The following NREP variants were observed in gnomAD, a reference collection of about 807,000 sequenced individuals.
NREP encodes the protein neuronal regeneration-related protein.
NREP carries 5 observed loss-of-function variants against 8.6 expected under a neutral mutation model. That is an observed-to-expected ratio of 0.58 (90% CI 0.30 to 1.22). The LOEUF is 1.22. Among genes scored for constraint, NREP ranks in the 50% most tolerant of loss-of-function variants. The pLI is 0.07. For synonymous variants in NREP, 27 were observed against 28.0 expected, an observed-to-expected ratio of 0.96 and a Z score of 0.11; for missense variants, 86 against 82.5, an observed-to-expected ratio of 1.04 and a Z score of -0.17.
chr5:111,818,799 G>A (rs760279972), intron 2 of NREP, among the ~76,000 whole-genome samples: 1 of 152,108 alleles, frequency 6.6e-6, no homozygotes, highest in Non-Finnish European at 1.5e-5. Context: ...AAAAACTGTA[G>A]TATTTTTGTA....
intron 2 of NREP, among the ~76,000 whole-genome samples, chr5:111,874,126 T>A (rs978217529): frequency 5.9e-5 from 9 of 152,148 alleles, no homozygotes; most frequent in Middle Eastern, 3.4e-3. Context: ...CTCTGCAGGG[T>A]TCATTGGGGT....
Position 111,948,533 on chromosome 5 carries a change from A to T in NREP, c.135+26741T>A, listed in dbSNP as rs147853087. ...TTCAATTCTATTGAGTTCAAAAATC[A>T]TGTGTCTTATGTACCCAGTAGAGAC... On this transcript the variant is annotated intron_variant, in intron 2 of 3. Coordinates refer to the NREP transcript ENST00000395634. 5.4e-4 allele frequency among the ~76,000 whole-genome samples: 82 copies of T among 152,208 alleles called. 1 individual carries two copies. In the East Asian group the frequency reaches 0.016, roughly 29 times the overall value.
At chr5:111,921,483 C>A (rs770087767) in intron 2 of NREP, among the ~76,000 whole-genome samples, 27 of 152,134 alleles carry the variant, frequency 1.8e-4, no homozygotes, top group Admixed American at 7.2e-4. Context: ...AGCATTCTTC[C>A]TCTCAAACAA....
intron 2 of NREP, among the ~76,000 whole-genome samples, chr5:111,962,672 G>A (rs1450470763): frequency 6.6e-6 from 1 of 152,124 alleles, no homozygotes; most frequent in Non-Finnish European, 1.5e-5. Context: ...TTAATTGAAT[G>A]TTGCCTTTTC....
At chr5:111,783,519 C>A (rs575704540) in intron 2 of NREP, among the ~76,000 whole-genome samples, 1 of 152,312 alleles carries the variant, frequency 6.6e-6, no homozygotes, top group South Asian at 2.1e-4. Flanking sequence ...TTTCTGATCT[C>A]AAGGAGGAAA....
intron 2 of NREP, among the ~76,000 whole-genome samples, chr5:111,936,152 T>C (rs931685968): frequency 6.6e-6 from 1 of 152,140 alleles, no homozygotes; most frequent in African/African-American, 2.4e-5. Flanking sequence ...ATTAAGGGCA[T>C]GATATGGTTC....
intron 2 of NREP, among the ~76,000 whole-genome samples, chr5:111,754,187 C>T (rs560040901): frequency 2.6e-5 from 4 of 152,258 alleles, no homozygotes; most frequent in African/African-American, 7.2e-5. Context: ...AAAATTAACA[C>T]GTAATAATAA....
chr5:111,882,121 A>C (rs1181045867), intron 2 of NREP, among the ~76,000 whole-genome samples: 2 of 152,246 alleles, frequency 1.3e-5, no homozygotes, highest in African/African-American at 4.8e-5. Flanking sequence ...TAACCAATAC[A>C]GAAAAGTGCT....
intron 2 of NREP, among the ~76,000 whole-genome samples, chr5:111,762,962 T>TATA (rs1750999024): frequency 6.6e-6 from 1 of 152,202 alleles, no homozygotes; most frequent in Non-Finnish European, 1.5e-5. Flanking sequence ...AGAAGGTTGC[T>TATA]TACATATGTG....
intron 2 of NREP, among the ~76,000 whole-genome samples, chr5:111,904,741 C>T (rs1238856762): frequency 2.0e-5 from 3 of 152,066 alleles, no homozygotes; most frequent in Non-Finnish European, 4.4e-5. Context: ...TCCCTGCTAT[C>T]TAAATAAAGA....
chr5:111,938,230 A>G (rs552256444), intron 2 of NREP, among the ~76,000 whole-genome samples: 1 of 152,092 alleles, frequency 6.6e-6, no homozygotes, highest in South Asian at 2.1e-4. Context: ...TCCCTCACTC[A>G]TAGTTTGTTT....
intron 2 of NREP, among the ~76,000 whole-genome samples, chr5:111,945,127 T>C (rs948391641): frequency 3.3e-5 from 5 of 152,102 alleles, no homozygotes; most frequent in African/African-American, 1.2e-4. Context: ...CACTTCATTC[T>C]TCATAGTTTA....
chr5:111,821,719 TTCTC>T (rs1240597807), intron 2 of NREP, among the ~76,000 whole-genome samples: 7 of 152,178 alleles, frequency 4.6e-5, no homozygotes, highest in Admixed American at 1.3e-4. Context: ...TGTCCTTTCT[TTCTC>T]CCTTTCTCTC....
chr5:111,741,928 T>G (rs559424671), intron 2 of NREP, among the ~76,000 whole-genome samples: 7 of 151,842 alleles, frequency 4.6e-5, no homozygotes, highest in South Asian at 4.2e-4. Context: ...ACTACTGCAC[T>G]CTAGACTCAT....
chr5:111,857,524 G>A (rs1753451622), intron 2 of NREP, among the ~76,000 whole-genome samples: 1 of 152,164 alleles, frequency 6.6e-6, no homozygotes, highest in Admixed American at 6.5e-5. Context: ...AGCTTCCTGA[G>A]GGTGTGGATC....
At chr5:111,795,425 A>G (rs1271745400) in intron 2 of NREP, among the ~76,000 whole-genome samples, 3 of 152,206 alleles carry the variant, frequency 2.0e-5, no homozygotes, top group Non-Finnish European at 4.4e-5. Context: ...TAGACAATCA[A>G]TCTGAATTAT....
At chr5:111,909,346 A>C (rs1387682958) in intron 2 of NREP, among the ~76,000 whole-genome samples, 1 of 152,074 alleles carries the variant, frequency 6.6e-6, no homozygotes, top group African/African-American at 2.4e-5. Context: ...ATGGTTTAAG[A>C]CATGCAGAAC....
chr5:111,846,040 G>C (rs982207532), intron 2 of NREP: 2 of 155,698 alleles, frequency 1.3e-5, no homozygotes, highest in Non-Finnish European at 2.8e-5. Context: ...TCTCCCGTAA[G>C]TCAATATCCC....
chr5:111,866,889 G>T (rs1311587433), intron 2 of NREP, among the ~76,000 whole-genome samples: 4 of 151,042 alleles, frequency 2.6e-5, no homozygotes, highest in Non-Finnish European at 5.9e-5. Flanking sequence ...GCAAACGATC[G>T]CAAGGACAAA....
Sources: allele counts gnomAD v4.1 joint callset (sites outside exome capture counted in the v4.1 genomes callset), GRCh38; gene constraint gnomAD v4.1.1; transcripts MANE v1.5; gene names NCBI Gene and HGNC (gene_info 2026-07-23, HGNC 2026-07-21).